The following GBE1 variants were observed in gnomAD, a reference collection of about 807,000 sequenced individuals.
The protein encoded by GBE1 is 1,4-alpha-glucan-branching enzyme.
GBE1 carries 70 observed loss-of-function variants against 88.8 expected under a neutral mutation model. The ratio of observed to expected loss-of-function variants is 0.79; its 90% CI spans 0.65 to 0.96. GBE1 has a LOEUF of 0.96. GBE1 is among the 40% of genes least tolerant of loss of function. The pLI is 0.00. For missense variants in GBE1, 872 were observed against 871.0 expected, an observed-to-expected ratio of 1.00 and a Z score of -0.01; for synonymous variants, 284 against 300.1, an observed-to-expected ratio of 0.95 and a Z score of 0.56.
chr3:81,588,364 A>T (rs1242783946), intron 9 of GBE1, among the ~76,000 whole-genome samples: 1 of 152,276 alleles, frequency 6.6e-6, no homozygotes, highest in East Asian at 1.9e-4. Flanking sequence ...TTACAGACAC[A>T]ATGCCTTCTG....
chr3:81,551,704 C>T (rs1281115802), intron 12 of GBE1, among the ~76,000 whole-genome samples: 1 of 152,154 alleles, frequency 6.6e-6, no homozygotes, highest in Non-Finnish European at 1.5e-5. Flanking sequence ...ATGTATAAAA[C>T]AAAACTGCTC....
intron 12 of GBE1, among the ~76,000 whole-genome samples, chr3:81,549,405 A>G (rs1703246213): frequency 6.6e-6 from 1 of 151,574 alleles, no homozygotes; most frequent in Non-Finnish European, 1.5e-5. Context: ...ACAGGACACA[A>G]TTGGTGAAAC....
chr3:81,582,618 C>A (rs942688899), intron 10 of GBE1, among the ~76,000 whole-genome samples: 2 of 151,938 alleles, frequency 1.3e-5, no homozygotes, highest in African/African-American at 4.8e-5. Flanking sequence ...GATAAAAGGG[C>A]AACAGAAATT....
At chr3:81,583,577 A>G (rs1410191653) in intron 10 of GBE1, among the ~76,000 whole-genome samples, 2 of 152,118 alleles carry the variant, frequency 1.3e-5, no homozygotes, top group Non-Finnish European at 2.9e-5. Context: ...AATGCTGGAT[A>G]TAACAACATT....
At chr3:81,749,511 G>A (rs1342607547) in intron 1 of GBE1, among the ~76,000 whole-genome samples, 10 of 152,156 alleles carry the variant, frequency 6.6e-5, no homozygotes, top group Non-Finnish European at 1.0e-4. Flanking sequence ...GCATTCCTTC[G>A]TAGTGATGTA....
intron 12 of GBE1, among the ~76,000 whole-genome samples, chr3:81,543,038 A>G (rs1703161600): frequency 6.6e-6 from 1 of 152,094 alleles, no homozygotes; most frequent in Admixed American, 6.6e-5. Flanking sequence ...TTATCTTTTT[A>G]AAGTATAAAT....
rs1224126041 is a variant in GBE1, at chr3:81,649,011, G to T, written c.556-20C>A. On this transcript the variant is annotated intron_variant, in intron 4 of 15. Coordinates refer to ENST00000429644, the MANE Select transcript of GBE1 (RefSeq NM_000158.4). ...CTTAAACTACAGAATATAAAATTAT[G>T]TATAGAGTTAAGCCAGGAATTCTGG... 1 of 1,523,316 alleles carries T rather than the reference G, an allele frequency of 6.6e-7. No homozygotes were observed. 94.4% of individuals were successfully genotyped at this position (1,523,316 alleles called of 1,614,324 possible). A position where few individuals can be genotyped will look rare whatever the true frequency, so the allele number is the denominator to read the frequency against.
chr3:81,640,900 CAT>C (rs1267309154), intron 7 of GBE1, among the ~76,000 whole-genome samples: 3 of 151,846 alleles, frequency 2.0e-5, no homozygotes, highest in Non-Finnish European at 4.4e-5. Context: ...AAAGCATGCA[CAT>C]GAGAAAGATT....
intron 1 of GBE1, among the ~76,000 whole-genome samples, chr3:81,715,572 G>C (rs1408643848): frequency 6.6e-6 from 1 of 152,086 alleles, no homozygotes; most frequent in East Asian, 1.9e-4. Context: ...TTCATATATG[G>C]AATTACTCTA....
intron 14 of GBE1, among the ~76,000 whole-genome samples, chr3:81,514,639 T>C (rs1396238169): frequency 1.3e-5 from 2 of 151,634 alleles, no homozygotes; most frequent in African/African-American, 2.4e-5. Flanking sequence ...CTTCTTTTGG[T>C]TGCAGCTTTC....
intron 7 of GBE1, among the ~76,000 whole-genome samples, chr3:81,636,440 C>T (rs1404601757): frequency 6.6e-6 from 1 of 151,862 alleles, no homozygotes; most frequent in Non-Finnish European, 1.5e-5. Flanking sequence ...TAAGTTACTG[C>T]TTATTTCTTA....
At chr3:81,737,132 G>A (rs1018714543) in intron 1 of GBE1, among the ~76,000 whole-genome samples, 1 of 151,064 alleles carries the variant, frequency 6.6e-6, no homozygotes, top group Non-Finnish European at 1.5e-5. Flanking sequence ...GATTTCTCCT[G>A]AGTAGAAATA....
At chr3:81,688,028 C>G (rs1705464462) in intron 2 of GBE1, among the ~76,000 whole-genome samples, 1 of 152,192 alleles carries the variant, frequency 6.6e-6, no homozygotes, top group South Asian at 2.1e-4. Context: ...GCTTGCTACC[C>G]CATCACCTTT....
At chr3:81,755,947 T>A (rs1435706738) in intron 1 of GBE1, among the ~76,000 whole-genome samples, 3 of 152,044 alleles carry the variant, frequency 2.0e-5, no homozygotes, top group Non-Finnish European at 4.4e-5. Context: ...AATTTTTTTT[T>A]AATTTCTTGG....
At chr3:81,679,912 C>T (rs532022039) in intron 2 of GBE1, among the ~76,000 whole-genome samples, 1 of 152,184 alleles carries the variant, frequency 6.6e-6, no homozygotes, top group East Asian at 1.9e-4. Flanking sequence ...ATGGAGAACT[C>T]CAACACTAAA....
intron 3 of GBE1, among the ~76,000 whole-genome samples, chr3:81,659,334 T>G: frequency 6.6e-6 from 1 of 151,624 alleles, no homozygotes; most frequent in Non-Finnish European, 1.5e-5. Flanking sequence ...CATTCTTTTT[T>G]TATTTTTTTT....
At chr3:81,692,804 C>T (rs1705541057) in intron 2 of GBE1, among the ~76,000 whole-genome samples, 3 of 152,110 alleles carry the variant, frequency 2.0e-5, no homozygotes, top group Admixed American at 1.3e-4. Context: ...AAGCAATCTA[C>T]TTTTAATTAA....
intron 12 of GBE1, among the ~76,000 whole-genome samples, chr3:81,559,945 T>C (rs1188735542): frequency 6.6e-6 from 1 of 151,992 alleles, no homozygotes; most frequent in Non-Finnish European, 1.5e-5. Context: ...TCATTTATAG[T>C]ACAGTCCATA....
At chr3:81,681,310 T>C (rs1208450323) in intron 2 of GBE1, among the ~76,000 whole-genome samples, 1 of 152,184 alleles carries the variant, frequency 6.6e-6, no homozygotes, top group Non-Finnish European at 1.5e-5. Flanking sequence ...GGGCTCTTTT[T>C]AGACAGGGAG....
Sources: allele counts gnomAD v4.1 joint callset (sites outside exome capture counted in the v4.1 genomes callset), GRCh38; gene constraint gnomAD v4.1.1; transcripts MANE v1.5; gene names NCBI Gene and HGNC (gene_info 2026-07-23, HGNC 2026-07-21).